The following ARAP1 variants were observed in gnomAD, a reference collection of about 807,000 sequenced individuals.
ARAP1 encodes the protein ArfGAP with RhoGAP domain, ankyrin repeat and PH domain 1.
In ARAP1, 76 loss-of-function variants were observed where a neutral mutation model predicts 172.2. The ratio of observed to expected loss-of-function variants is 0.44; its 90% confidence interval spans 0.37 to 0.53. ARAP1 has a LOEUF of 0.53. ARAP1 is among the 20% of genes least tolerant of loss of function. ARAP1 has a pLI of 0.00. For synonymous variants in ARAP1, 804 were observed against 803.3 expected (o/e 1.00, Z -0.01); for missense variants, 1,686 against 1,977.5 (o/e 0.85, Z 2.80).
At chr11:72,727,451 C>G (rs927167238) in intron 2 of ARAP1, among the ~76,000 whole-genome samples, 1 of 152,326 alleles carries the variant, frequency 6.6e-6, no homozygotes, top group Non-Finnish European at 1.5e-5. Context: ...GGGGTTGGTA[C>G]CACCCCACAC....
intron 3 of ARAP1, among the ~76,000 whole-genome samples, chr11:72,723,510 C>T (rs1857593353): frequency 6.6e-6 from 1 of 152,172 alleles, no homozygotes; most frequent in Non-Finnish European, 1.5e-5. Context: ...AATCCTATCA[C>T]AGCCTCGTTC....
In ARAP1 at chr11:72,748,296, C is replaced by T. The variant is rs564740658; in HGVS notation, c.-128+4032G>A. 2.5e-4 allele frequency among the ~76,000 whole-genome samples: 38 copies of T among 152,150 alleles called. No individual in the cohort carries two copies. The East Asian group carries it at 6.8e-3, about 27-fold the overall frequency. Reference sequence around the variant, plus strand: ...CAGCACTTTGGGAGGCCAAGGCGGGCGGATCACGAGGTCAGGAGTTCAAGA... The same window carrying T: ...CAGCACTTTGGGAGGCCAAGGCGGGTGGATCACGAGGTCAGGAGTTCAAGA... On this transcript the variant is annotated intron_variant, in intron 1 of 34. Coordinates refer to ENST00000393609, the MANE Select transcript of ARAP1 (RefSeq NM_001040118.3).
At chr11:72,687,388 A>G in intron 33 of ARAP1, 51 bp downstream of exon 33, 1 of 1,608,418 alleles carries the variant, frequency 6.2e-7, no homozygotes, top group Non-Finnish European at 8.5e-7. Context: ...CATTCTCCAT[A>G]ATGGAAGCCT....
At chr11:72,722,464 C>T (rs1420594046) in intron 3 of ARAP1, 1 of 635,816 alleles carries the variant, frequency 1.6e-6, no homozygotes, top group African/African-American at 2.0e-5. Context: ...TGCAGGCCCT[C>T]ACAGGGTGGA....
intron 23 of ARAP1, 144 bp downstream of exon 23, chr11:72,696,405 C>T: frequency 1.7e-6 from 1 of 595,584 alleles, no homozygotes. Context: ...CCCTGCTCTA[C>T]AAATATCCAA....
chr11:72,716,832 C>A (rs1479425781), intron 3 of ARAP1, among the ~76,000 whole-genome samples: 1 of 152,202 alleles, frequency 6.6e-6, no homozygotes, highest in Non-Finnish European at 1.5e-5. Flanking sequence ...CCTGCCACTG[C>A]CCTGGCGGCA....
intron 30 of ARAP1, among the ~76,000 whole-genome samples, chr11:72,691,686 G>A (rs1855938754): frequency 6.6e-6 from 1 of 152,194 alleles, no homozygotes; most frequent in Admixed American, 6.5e-5. Flanking sequence ...CAAGGGGCAG[G>A]AAGAGGCTGA....
At chr11:72,752,129 C>T (rs893211589) in intron 1 of ARAP1, among the ~76,000 whole-genome samples, 199 bp downstream of exon 1, 1 of 152,238 alleles carries the variant, frequency 6.6e-6, no homozygotes, top group African/African-American at 2.4e-5. Context: ...GGTTCACCCC[C>T]CTTCCCTACC....
rs139468440 is a variant in ARAP1 at position 72,727,928 on chromosome 11, A to T, written c.-44-756T>A. On this transcript the variant is annotated intron_variant, in intron 2 of 34. Coordinates refer to ENST00000393609, the MANE Select transcript of ARAP1 (RefSeq NM_001040118.3). ...CAAGAGGTGATATGAAGAGGTGACC[A>T]AAAGAGGTGATTAGCAGATCAAAGG... 7.9e-5 allele frequency among the ~76,000 whole-genome samples: 12 copies of T among 152,368 alleles called. No individual in the cohort carries two copies. In the East Asian group the frequency reaches 2.3e-3, roughly 29 times the overall value.
rs1226476866 is a variant in ARAP1 at position 72,741,805 on chromosome 11, C to A, written c.-127-9208G>T. ...CTGGGGGCCGAGGGCCAGCACCCAC[C>A]CTGCCCCAAGAGGGAAGGGGAGGCC... On this transcript the variant is annotated intron_variant, in intron 1 of 34. Coordinates refer to ENST00000393609, the MANE Select transcript of ARAP1 (RefSeq NM_001040118.3). The surrounding 1 kb of genome is among the most constrained non-coding windows in gnomAD (Gnocchi z 4.5). Among the ~76,000 whole-genome samples the A allele has an allele frequency of 1.3e-5, 2 of 152,098 alleles. No individual in the cohort carries two copies. The highest frequency in any genetic ancestry group is 3.9e-4 in the East Asian group (2 of 5,188).
rs747706673 is a variant in ARAP1 at position 72,685,765 on chromosome 11, G to A, written c.4336-84C>T. On this transcript the variant is annotated intron_variant, in intron 34 of 34. Transcript: ENST00000393609. ...CGCTGAAGCTGCTGCAGCTGCTGCA[G>A]CCACTCTCCACTGCCAGCCGGGGAG... is the stretch of plus-strand genomic sequence containing the variant. 5.7e-6 allele frequency: 9 copies of A among 1,570,774 alleles called. No individual in the cohort carries two copies. In the Admixed American group the frequency reaches 1.5e-4, roughly 26 times the overall value.
intron 30 of ARAP1, among the ~76,000 whole-genome samples, chr11:72,690,485 A>T (rs907991927): frequency 6.6e-6 from 1 of 152,120 alleles, no homozygotes; most frequent in African/African-American, 2.4e-5. Flanking sequence ...AACTCATGGG[A>T]TCAAGCCATC....
chr11:72,733,379 C>T (rs2135580029), intron 1 of ARAP1, among the ~76,000 whole-genome samples: 1 of 152,300 alleles, frequency 6.6e-6, no homozygotes, highest in Admixed American at 6.5e-5. Context: ...GGACCCTCTC[C>T]ACTAAGCCTG....
intron 22 of ARAP1, 96 bp downstream of exon 22, chr11:72,696,887 A>C: frequency 7.7e-7 from 1 of 1,295,112 alleles, no homozygotes; most frequent in Non-Finnish European, 1.1e-6. Flanking sequence ...CCTGTGGGTT[A>C]GGGTAAGCCT....
intron 3 of ARAP1, chr11:72,722,027 G>C (rs1219022683): frequency 1.0e-5 from 10 of 985,612 alleles, no homozygotes; most frequent in Non-Finnish European, 1.2e-5. Context: ...TCTCTTGGAG[G>C]TTTTTGAGCC....
chr11:72,690,309 T>G (rs12272399), intron 30 of ARAP1, among the ~76,000 whole-genome samples: 1 of 152,154 alleles, frequency 6.6e-6, no homozygotes, highest in Non-Finnish European at 1.5e-5. Context: ...CTCCGATTCC[T>G]TGGGGTCTGA....
In ARAP1 at chr11:72,687,349, G is replaced by A. The variant is rs577004959; in HGVS notation, c.4185+90C>T. On this transcript the variant is annotated intron_variant, in intron 33 of 34. Transcript: ENST00000393609. ...TCAAAATCTCCTTGAAGCAAGGGGT[G>A]GGTTGAATAGCACAGAAGCCAATGT... is the stretch of plus-strand genomic sequence containing the variant. The A allele has an allele frequency of 8.7e-6, 13 of 1,490,108 alleles. 1 individual carries two copies. The African/African-American group carries it at 1.4e-4, about 16-fold the overall frequency. The allele number at this position is 1,490,108 out of a possible 1,614,324, so 92.3% of individuals were successfully genotyped here.
chr11:72,724,205 G>A (rs1857619722), intron 3 of ARAP1, among the ~76,000 whole-genome samples: 1 of 151,944 alleles, frequency 6.6e-6, no homozygotes, highest in African/African-American at 2.4e-5. Context: ...CATCTGTATG[G>A]GTGCACACAC....
At position 72,727,072 on chromosome 11, in the gene ARAP1, G is replaced by A. The variant is rs777480417; in HGVS notation, c.57C>T (p.His19=). The change falls in exon 3 of 35, where the codon CAC becomes CAT. Residue 19 remains histidine, a synonymous_variant. Coordinates refer to ENST00000393609, the MANE Select transcript of ARAP1 (RefSeq NM_001040118.3). The part of the protein sequence containing the change: ...LSVAEWLRAL[H]LEQYTGLFEQ... Reference sequence around the variant, plus strand: ...CAAAGAGCCCCGTGTACTGCTCCAGGTGCAATGCCCGCAGCCACTCGGCCA... The same window carrying A: ...CAAAGAGCCCCGTGTACTGCTCCAGATGCAATGCCCGCAGCCACTCGGCCA... The A allele has an allele frequency of 2.5e-6, 4 of 1,600,086 alleles. No individual in the cohort carries two copies. Among genetic ancestry groups the A allele is most frequent in the Middle Eastern group, 1.7e-4 (1 of 6,050 alleles).
Sources: allele counts gnomAD v4.1 joint callset (sites outside exome capture counted in the v4.1 genomes callset), GRCh38; gene constraint gnomAD v4.1.1; non-coding constraint Gnocchi (gnomAD v3.1); transcripts MANE v1.5; gene names NCBI Gene and HGNC (gene_info 2026-07-23, HGNC 2026-07-21).